The following CFAP58 variants were observed in gnomAD, a reference collection of about 807,000 sequenced individuals.
CFAP58 encodes the protein cilia and flagella associated protein 58.
Under a neutral mutation model 119.5 loss-of-function variants are expected in CFAP58, and 88 were observed. The ratio of observed to expected loss-of-function variants is 0.74; its 90% CI spans 0.62 to 0.88. The LOEUF (loss-of-function observed/expected upper bound fraction) is 0.88, where lower values mean the gene tolerates loss of function less well. Ranked by LOEUF, CFAP58 falls within the 40% of genes least tolerant of loss-of-function variation. CFAP58 has a pLI of 0.00. For synonymous variants in CFAP58, 365 were observed against 366.3 expected, an observed-to-expected ratio of 1.00 and a Z score of 0.04; for missense variants, 990 against 1,021.2, an observed-to-expected ratio of 0.97 and a Z score of 0.42.
intron 12 of CFAP58, 54 bp from the exon 13 acceptor site, chr10:104,400,626 G>GA: frequency 7.0e-7 from 1 of 1,437,064 alleles, no homozygotes; most frequent in East Asian, 2.3e-5. Context: ...CTGTCACAGT[G>GA]AAAAGCTAAG....
intron 5 of CFAP58, among the ~76,000 whole-genome samples, chr10:104,367,099 T>C (rs1206272962): frequency 6.6e-6 from 1 of 152,152 alleles, no homozygotes; most frequent in Non-Finnish European, 1.5e-5. Context: ...CCTCAAGTAA[T>C]CCAACTGTCT....
chr10:104,339,955 TAA>T, the CFAP58 span, among the ~76,000 whole-genome samples: 1 of 152,226 alleles, frequency 6.6e-6, no homozygotes, highest in Non-Finnish European at 1.5e-5. Flanking sequence ...ATCCTTGGGC[TAA>T]GAGTTCAGCG....
At chr10:104,447,423 C>G (rs2013126919) in intron 15 of CFAP58, among the ~76,000 whole-genome samples, 1 of 152,174 alleles carries the variant, frequency 6.6e-6, no homozygotes, top group African/African-American at 2.4e-5. Context: ...GTATCCTGCC[C>G]TTGTCTCCCA....
intron 16 of CFAP58, among the ~76,000 whole-genome samples, chr10:104,449,143 GT>G (rs1250750016): frequency 6.8e-6 from 1 of 146,334 alleles, no homozygotes; most frequent in African/African-American, 2.5e-5. Context: ...GTTTCTAAAA[GT>G]TTAACTACTG....
At chr10:104,370,475 CTT>C (rs1162436311) in intron 6 of CFAP58, among the ~76,000 whole-genome samples, 1 of 152,114 alleles carries the variant, frequency 6.6e-6, no homozygotes, top group East Asian at 1.9e-4. Context: ...GGGAACTCCT[CTT>C]TTTAAAACCA....
the CFAP58 span, among the ~76,000 whole-genome samples, chr10:104,341,395 T>C: frequency 2.0e-5 from 3 of 151,678 alleles, no homozygotes; most frequent in African/African-American, 7.3e-5. Context: ...TCTGAGACAA[T>C]AGAACAATTT....
At chr10:104,433,445 G>A (rs942962803) in intron 15 of CFAP58, among the ~76,000 whole-genome samples, 5 of 152,188 alleles carry the variant, frequency 3.3e-5, no homozygotes, top group African/African-American at 1.2e-4. Flanking sequence ...TGAAGGATGG[G>A]AATTTGTTTG....
intron 15 of CFAP58, 128 bp from the exon 16 acceptor site, chr10:104,447,570 A>C (rs1322416322): frequency 1.4e-5 from 15 of 1,107,882 alleles, no homozygotes; most frequent in Non-Finnish European, 1.8e-5. Flanking sequence ...TCTGTGAGTG[A>C]ATGTGATCAC....
At chr10:104,425,871 G>A (rs183863266) in intron 15 of CFAP58, among the ~76,000 whole-genome samples, 31 of 152,292 alleles carry the variant, frequency 2.0e-4, no homozygotes, top group Middle Eastern at 3.4e-3. Flanking sequence ...ATTTGGGCCC[G>A]AGGTACTGAG....
At chr10:104,353,708 T>C, upstream of CFAP58, 1 of 570,692 alleles carries the variant, frequency 1.8e-6, no homozygotes, top group Non-Finnish European at 3.1e-6. Flanking sequence ...TCCTCCCCTT[T>C]CGAATTCCCG....
intron 9 of CFAP58, among the ~76,000 whole-genome samples, chr10:104,387,548 G>A (rs188600199): frequency 4.6e-5 from 7 of 152,226 alleles, no homozygotes; most frequent in South Asian, 2.1e-4. Flanking sequence ...TTGTTAAACC[G>A]TAAGATAATC....
At position 104,357,865 on chromosome 10, in the gene CFAP58, A is replaced by ATG. The variant is rs1240430188; in HGVS notation, c.10-475_10-474insGT. On this transcript the variant is annotated intron_variant, in intron 1 of 17. Coordinates refer to ENST00000369704, the MANE Select transcript of CFAP58 (RefSeq NM_001008723.2). ...CATATGTACACATATATACACATAT[A>ATG]TACACATATATGTACACATATATAA... Among the ~76,000 whole-genome samples the ATG allele has an allele frequency of 1.0e-4, 11 of 106,196 alleles. 2 individuals carry two copies. The highest frequency in any genetic ancestry group is 8.6e-4 in the East Asian group (3 of 3,490). 69.7% of individuals were successfully genotyped at this position (106,196 alleles called of 152,430 possible).
At chr10:104,361,057 C>T (rs1435389481) in intron 2 of CFAP58, among the ~76,000 whole-genome samples, 1 of 152,200 alleles carries the variant, frequency 6.6e-6, no homozygotes, top group African/African-American at 2.4e-5. Context: ...ATGATTCAAT[C>T]ACCTCCCACC....
chr10:104,389,272 C>T (rs1036891701), intron 9 of CFAP58, among the ~76,000 whole-genome samples: 10 of 152,200 alleles, frequency 6.6e-5, no homozygotes, highest in Admixed American at 2.0e-4. Context: ...GGTGTCCTGA[C>T]GGGTTCTTAT....
Position 104,399,577 on chromosome 10 carries a change from T to C in CFAP58, c.1815+77T>C, listed in dbSNP as rs2012226249. On this transcript the variant is annotated intron_variant, in intron 12 of 17. Transcript: ENST00000369704. Reference sequence around the variant, plus strand: ...TTAATTCCACCCTTCGAAACTTCCTTCCTCTCTAAGCTCTTCCAACCAGCC... The same window carrying C: ...TTAATTCCACCCTTCGAAACTTCCTCCCTCTCTAAGCTCTTCCAACCAGCC... The C allele has an allele frequency of 2.7e-6, 4 of 1,478,560 alleles. No homozygotes were observed. In the Admixed American group the frequency reaches 7.9e-5, roughly 29 times the overall value. The allele number at this position is 1,478,560 out of a possible 1,614,324, so 91.6% of individuals were successfully genotyped here.
At chr10:104,384,162 G>C (rs1255820137) in intron 9 of CFAP58, among the ~76,000 whole-genome samples, 1 of 152,174 alleles carries the variant, frequency 6.6e-6, no homozygotes, top group Non-Finnish European at 1.5e-5. Flanking sequence ...TTTCTAATAT[G>C]AATCTGAGAA....
chr10:104,391,648 G>A (rs1013335192), intron 9 of CFAP58, among the ~76,000 whole-genome samples: 1 of 152,198 alleles, frequency 6.6e-6, no homozygotes, highest in Non-Finnish European at 1.5e-5. Flanking sequence ...TTGCAAAAAT[G>A]AGGCAGTAGT....
At chr10:104,399,296 C>T (rs1308918229) in intron 11 of CFAP58, 64 bp from the exon 12 acceptor site, 1 of 1,561,126 alleles carries the variant, frequency 6.4e-7, no homozygotes. Flanking sequence ...TGAATCCGGG[C>T]CCTGTCGTCC....
chr10:104,357,932 C>CACACATATATGTACACATAT (rs2014595231), intron 1 of CFAP58, among the ~76,000 whole-genome samples: 2 of 107,376 alleles, frequency 1.9e-5, no homozygotes, highest in Admixed American at 8.3e-5. Flanking sequence ...TACACATATA[C>CACACATATATGTACACATAT]ACACATATAT....
Sources: gnomAD v4.1 joint callset for allele counts (sites outside exome capture counted in the v4.1 genomes callset) on GRCh38, gnomAD v4.1.1 for gene constraint, MANE v1.5 for transcripts, NCBI Gene and HGNC (gene_info 2026-07-23, HGNC 2026-07-21) for gene names.